RASEF: variants seen among roughly 807,000 people sequenced by gnomAD.
RASEF encodes the protein RAS and EF-hand domain containing, also known as ras and EF-hand domain-containing protein.
In RASEF, 68 loss-of-function variants were observed where a neutral mutation model predicts 90.1. The observed-to-expected ratio is 0.75, with a 90% confidence interval of 0.62 to 0.92. The LOEUF (loss-of-function observed/expected upper bound fraction) is 0.92. Ranked by LOEUF, RASEF falls within the 40% of genes least tolerant of loss-of-function variation. The pLI is 0.00. For missense variants in RASEF, 949 were observed against 937.2 expected (o/e 1.01, Z -0.16); for synonymous variants, 331 against 345.2 (o/e 0.96, Z 0.46).
At chr9:83,120,793 T>C in the RASEF span, among the ~76,000 whole-genome samples, 1 of 152,216 alleles carries the variant, frequency 6.6e-6, no homozygotes, top group Admixed American at 6.5e-5. Flanking sequence ...CAGGATGACC[T>C]CATTCTTTTA....
chr9:83,138,911 A>G, the RASEF span, among the ~76,000 whole-genome samples: 1 of 152,190 alleles, frequency 6.6e-6, no homozygotes, highest in Non-Finnish European at 1.5e-5. Context: ...CCAGATTAAA[A>G]AAAAACAGCC....
chr9:83,183,050 T>C, the RASEF span, among the ~76,000 whole-genome samples: 1 of 152,048 alleles, frequency 6.6e-6, no homozygotes, highest in Non-Finnish European at 1.5e-5. Context: ...ACAAGGAAAC[T>C]TGGGACAGTA....
chr9:83,209,990 A>T, the RASEF span, among the ~76,000 whole-genome samples: 1 of 152,380 alleles, frequency 6.6e-6, no homozygotes, highest in South Asian at 2.1e-4. Flanking sequence ...ATACTAAATA[A>T]CACTAAATAG....
the RASEF span, among the ~76,000 whole-genome samples, chr9:83,085,047 T>A: frequency 6.6e-6 from 1 of 152,180 alleles, no homozygotes; most frequent in African/African-American, 2.4e-5. Context: ...CCTTTATTTA[T>A]TTGAAATTTT....
chr9:83,118,758 T>C, the RASEF span, among the ~76,000 whole-genome samples: 1 of 152,320 alleles, frequency 6.6e-6, no homozygotes, highest in Admixed American at 6.5e-5. Flanking sequence ...AGATTACCTT[T>C]GCTTATCACT....
At chr9:83,126,245 C>T in the RASEF span, among the ~76,000 whole-genome samples, 1 of 152,004 alleles carries the variant, frequency 6.6e-6, no homozygotes, top group African/African-American at 2.4e-5. Context: ...GAGGTGAAGT[C>T]CTTATGATAG....
At chr9:83,206,059 C>T in the RASEF span, among the ~76,000 whole-genome samples, 4 of 152,146 alleles carry the variant, frequency 2.6e-5, no homozygotes, top group Admixed American at 6.5e-5. Flanking sequence ...CATGTCCCTC[C>T]ACCTCATAAA....
the RASEF span, among the ~76,000 whole-genome samples, chr9:83,088,621 T>C: frequency 7.2e-5 from 11 of 152,070 alleles, no homozygotes; most frequent in Admixed American, 5.9e-4. Flanking sequence ...AAATATGTTT[T>C]TAAGTGCTGA....
chr9:83,092,494 C>T, the RASEF span, among the ~76,000 whole-genome samples: 1,191 of 151,520 alleles, frequency 7.9e-3, 15 homozygotes, highest in African/African-American at 0.027. Flanking sequence ...CTTAGGGCGG[C>T]GCGTCTGGAG....
chr9:83,147,181 C>T, the RASEF span, among the ~76,000 whole-genome samples: 2 of 151,890 alleles, frequency 1.3e-5, no homozygotes, highest in Non-Finnish European at 2.9e-5. Context: ...ATTTTCAGAT[C>T]ATTTTTACAG....
chr9:83,015,429 C>G (rs1829325827), intron 4 of RASEF, among the ~76,000 whole-genome samples: 1 of 152,140 alleles, frequency 6.6e-6, no homozygotes, highest in Non-Finnish European at 1.5e-5. Context: ...GCCTGTAATC[C>G]CAACACTTTG....
chr9:83,166,926 CT>C, the RASEF span, among the ~76,000 whole-genome samples: 1 of 152,094 alleles, frequency 6.6e-6, no homozygotes, highest in Non-Finnish European at 1.5e-5. Context: ...AGATATGAGA[CT>C]TAAAGAAAGG....
At chr9:83,192,016 C>T in the RASEF span, among the ~76,000 whole-genome samples, 3 of 152,268 alleles carry the variant, frequency 2.0e-5, no homozygotes, top group East Asian at 5.8e-4. Context: ...TACCATCTCA[C>T]ACCAGTCAGA....
At chr9:83,176,920 T>C in the RASEF span, among the ~76,000 whole-genome samples, 1 of 152,074 alleles carries the variant, frequency 6.6e-6, no homozygotes, top group East Asian at 1.9e-4. Context: ...AAGTACGTAT[T>C]CATAGTATTT....
At chr9:83,219,187 A>C in the RASEF span, 1 of 152,222 alleles carries the variant, frequency 6.6e-6, no homozygotes, top group Non-Finnish European at 1.5e-5. Context: ...TTCCGTCCCC[A>C]CTTGCAGGTC....
the RASEF span, among the ~76,000 whole-genome samples, chr9:83,202,718 A>G: frequency 3.3e-5 from 5 of 152,096 alleles, no homozygotes; most frequent in Admixed American, 3.3e-4. Flanking sequence ...GGCTGGTCTC[A>G]AACTCCTCAC....
At chr9:83,156,958 T>C in the RASEF span, among the ~76,000 whole-genome samples, 25 of 152,212 alleles carry the variant, frequency 1.6e-4, no homozygotes, top group African/African-American at 5.8e-4. Flanking sequence ...CCCAACACTT[T>C]CCAGATGAAA....
the RASEF span, among the ~76,000 whole-genome samples, chr9:83,197,742 T>C: frequency 1.3e-5 from 2 of 152,170 alleles, no homozygotes; most frequent in African/African-American, 2.4e-5. Flanking sequence ...TACATTTTAA[T>C]TGGGGCTGGC....
the RASEF span, among the ~76,000 whole-genome samples, chr9:83,184,037 C>T: frequency 1.3e-5 from 2 of 152,292 alleles, no homozygotes; most frequent in Admixed American, 1.3e-4. Context: ...TGCTGGTCTA[C>T]GGACCACACT....
Sources: allele counts gnomAD v4.1 joint callset (sites outside exome capture counted in the v4.1 genomes callset), GRCh38; gene constraint gnomAD v4.1.1; transcripts MANE v1.5; gene names NCBI Gene and HGNC (gene_info 2026-07-23, HGNC 2026-07-21).